LINGO2: variants seen among roughly 807,000 people sequenced by gnomAD.
The protein encoded by LINGO2 is leucine rich repeat and Ig domain containing 2, also known as leucine-rich repeat and immunoglobulin-like domain-containing nogo receptor-interacting protein 2.
In LINGO2, 14 loss-of-function variants were observed where a neutral mutation model predicts 30.6. The observed-to-expected ratio is 0.46, with a 90% confidence interval of 0.30 to 0.72. LINGO2 has a LOEUF of 0.72. Among genes scored for constraint, LINGO2 ranks in the 30% least tolerant of loss-of-function variants. The probability of loss-of-function intolerance (pLI) is 0.07; values close to 1 mark genes in which losing one functional copy is unlikely to be tolerated. For missense variants in LINGO2, 729 were observed against 751.7 expected (o/e 0.97, Z 0.35); for synonymous variants, 317 against 288.5 (o/e 1.10, Z -1.00).
chr9:28,345,272 AT>A (rs954610460), intron 3 of LINGO2, among the ~76,000 whole-genome samples: 1 of 152,112 alleles, frequency 6.6e-6, no homozygotes, highest in Non-Finnish European at 1.5e-5. Context: ...TAATTCATAT[AT>A]TTTTTTCAAG....
the LINGO2 span, among the ~76,000 whole-genome samples, chr9:28,812,868 G>A: frequency 4.6e-5 from 7 of 152,206 alleles, no homozygotes; most frequent in East Asian, 1.4e-3. Flanking sequence ...TAGGAAGAAA[G>A]GATCTGCAGC....
chr9:29,149,862 G>A, the LINGO2 span, among the ~76,000 whole-genome samples: 2 of 152,214 alleles, frequency 1.3e-5, no homozygotes, highest in Admixed American at 6.5e-5. Context: ...GGCCAACAGA[G>A]AGCAGGGTAG....
At chr9:29,099,044 C>CATA in the LINGO2 span, among the ~76,000 whole-genome samples, 2 of 152,148 alleles carry the variant, frequency 1.3e-5, no homozygotes, top group African/African-American at 4.8e-5. Context: ...CATAGACCAG[C>CATA]GGAACAGAAT....
the LINGO2 span, among the ~76,000 whole-genome samples, chr9:28,795,709 C>T: frequency 6.6e-3 from 1,008 of 152,012 alleles, 13 homozygotes; most frequent in African/African-American, 0.023. Flanking sequence ...CCTGAGTAAT[C>T]GGTGGCCCTC....
In LINGO2 at chr9:28,148,361, C is replaced by T; in HGVS notation, c.-86-135956G>A. 1 of 1,055,834 alleles carries T rather than the reference C, an allele frequency of 9.5e-7. No homozygotes were observed. The highest frequency in any genetic ancestry group is 1.4e-6 in the Non-Finnish European group (1 of 708,924). The allele number at this position is 1,055,834 out of a possible 1,614,324, so 65.4% of individuals were successfully genotyped here. A position where few individuals can be genotyped will look rare whatever the true frequency, so the allele number is the denominator to read the frequency against. On this transcript the variant is annotated intron_variant, in intron 4 of 5. Transcript: ENST00000379992. This position sits in a 1 kb window ranked among gnomAD's most constrained non-coding sequence, Gnocchi z 5.1. ...CCTCAGCCCCGTGAGGATTCCTCATCTCAGAGGCAAGTTTAACCTTCAACT... is the reference window on the plus strand; with the variant it reads ...CCTCAGCCCCGTGAGGATTCCTCATTTCAGAGGCAAGTTTAACCTTCAACT...
At chr9:28,012,784 C>G (rs534681347) in intron 4 of LINGO2, among the ~76,000 whole-genome samples, 1 of 152,082 alleles carries the variant, frequency 6.6e-6, no homozygotes, top group South Asian at 2.1e-4. Flanking sequence ...CCCCAAGGAG[C>G]CTACTTTCTT....
In LINGO2 at chr9:28,258,536, T is replaced by C. The variant is rs184843625; in HGVS notation, c.-87+36672A>G. Among the ~76,000 whole-genome samples, 3 of 152,102 alleles carry C rather than the reference T, an allele frequency of 2.0e-5. No homozygotes were observed. In the East Asian group the frequency reaches 5.8e-4, roughly 29 times the overall value. On this transcript the variant is annotated intron_variant, in intron 4 of 5. Transcript: ENST00000379992. ...CCCCACAAGATTGTTAGAATTATGC[T>C]GCTCTTCCTGTAATATTATGCTCAA...
At chr9:27,995,029 C>T (rs957503866) in intron 5 of LINGO2, among the ~76,000 whole-genome samples, 1 of 152,098 alleles carries the variant, frequency 6.6e-6, no homozygotes, top group African/African-American at 2.4e-5. Flanking sequence ...CCTGAACCTC[C>T]TGGTAATGAA....
intron 4 of LINGO2, among the ~76,000 whole-genome samples, chr9:28,245,755 C>A (rs2133991033): frequency 6.6e-6 from 1 of 152,202 alleles, no homozygotes; most frequent in East Asian, 1.9e-4. Flanking sequence ...AGAAACTCTT[C>A]AAGGAGAACT....
the LINGO2 span, among the ~76,000 whole-genome samples, chr9:28,949,148 G>C: frequency 6.6e-6 from 1 of 152,024 alleles, no homozygotes; most frequent in African/African-American, 2.4e-5. Flanking sequence ...GCCGACAGGA[G>C]AAAGTGGGAA....
At chr9:28,676,436 C>T in the LINGO2 span, among the ~76,000 whole-genome samples, 2 of 152,070 alleles carry the variant, frequency 1.3e-5, no homozygotes, top group South Asian at 4.1e-4. Flanking sequence ...ATACATGCCA[C>T]CTGAAACATG....
the LINGO2 span, among the ~76,000 whole-genome samples, chr9:28,785,558 G>T: frequency 1.7e-4 from 26 of 152,072 alleles, no homozygotes; most frequent in Non-Finnish European, 3.7e-4. Flanking sequence ...GTCACTTTGA[G>T]TTTACTGCGA....
At chr9:28,847,192 C>A in the LINGO2 span, among the ~76,000 whole-genome samples, 6 of 148,338 alleles carry the variant, frequency 4.0e-5, no homozygotes, top group African/African-American at 1.5e-4. Context: ...ACTCTCTGAC[C>A]CATTTTTGGC....
At chr9:28,817,885 T>G in the LINGO2 span, among the ~76,000 whole-genome samples, 1 of 152,214 alleles carries the variant, frequency 6.6e-6, no homozygotes, top group Non-Finnish European at 1.5e-5. Context: ...TACTCACAAG[T>G]TGACTGTTGA....
chr9:28,221,318 A>T (rs1820958242), intron 4 of LINGO2, among the ~76,000 whole-genome samples: 1 of 150,918 alleles, frequency 6.6e-6, no homozygotes, highest in Non-Finnish European at 1.5e-5. Context: ...AAAAAAAAAA[A>T]AAAAAAAGCA....
At chr9:29,073,911 A>G in the LINGO2 span, among the ~76,000 whole-genome samples, 1 of 152,200 alleles carries the variant, frequency 6.6e-6, no homozygotes, top group Non-Finnish European at 1.5e-5. Flanking sequence ...TTAAAATTAA[A>G]TACCCTGTTC....
At chr9:28,874,767 A>C in the LINGO2 span, among the ~76,000 whole-genome samples, 1 of 151,996 alleles carries the variant, frequency 6.6e-6, no homozygotes, top group Admixed American at 6.6e-5. Flanking sequence ...TTTTATGGAG[A>C]CTTTATTAAG....
intron 4 of LINGO2, among the ~76,000 whole-genome samples, chr9:28,240,936 G>C (rs1313181731): frequency 2.0e-5 from 3 of 152,096 alleles, no homozygotes; most frequent in Non-Finnish European, 4.4e-5. Flanking sequence ...TCCGACAAGG[G>C]ATTAATAACC....
At chr9:28,663,697 A>C (rs901755932) in intron 1 of LINGO2, among the ~76,000 whole-genome samples, 5 of 152,190 alleles carry the variant, frequency 3.3e-5, no homozygotes, top group Admixed American at 1.3e-4. Flanking sequence ...GACTGAAAAT[A>C]TATATGGGTA....
Sources: gnomAD v4.1 joint callset for allele counts (sites outside exome capture counted in the v4.1 genomes callset) on GRCh38, gnomAD v4.1.1 for gene constraint, Gnocchi (gnomAD v3.1) non-coding constraint, MANE v1.5 for transcripts, NCBI Gene and HGNC (gene_info 2026-07-23, HGNC 2026-07-21) for gene names.